RASAL2: variants seen among roughly 807,000 people sequenced by gnomAD.
RASAL2 encodes the protein ras GTPase-activating protein nGAP.
Under a neutral mutation model 128.9 loss-of-function variants are expected in RASAL2, and 58 were observed. The ratio of observed to expected loss-of-function variants is 0.45; its 90% CI spans 0.36 to 0.56. The LOEUF (loss-of-function observed/expected upper bound fraction) is 0.56, where lower values mean the gene tolerates loss of function less well. Ranked by LOEUF, RASAL2 falls within the 20% of genes least tolerant of loss-of-function variation. RASAL2 has a pLI of 0.00. For synonymous variants in RASAL2, 561 were observed against 580.8 expected (o/e 0.97, Z 0.49); for missense variants, 1,360 against 1,601.6 (o/e 0.85, Z 2.57).
intron 14 of RASAL2, among the ~76,000 whole-genome samples, chr1:178,462,100 C>A (rs551218582): frequency 6.6e-6 from 1 of 152,204 alleles, no homozygotes; most frequent in East Asian, 1.9e-4. Context: ...GATATAAATT[C>A]TCTTTCTAAG....
intron 1 of RASAL2, among the ~76,000 whole-genome samples, chr1:178,250,528 G>A (rs987495557): frequency 2.6e-5 from 4 of 152,200 alleles, no homozygotes; most frequent in Admixed American, 6.5e-5. Flanking sequence ...AGTGGGACTC[G>A]CTGATCGAGA....
At chr1:178,363,946 A>C (rs1671259659) in intron 3 of RASAL2, among the ~76,000 whole-genome samples, 1 of 152,142 alleles carries the variant, frequency 6.6e-6, no homozygotes, top group South Asian at 2.1e-4. Context: ...AATACAAAAA[A>C]TTAGCGGGGC....
chr1:178,429,041 G>A (rs1675715291), intron 5 of RASAL2, among the ~76,000 whole-genome samples: 1 of 152,052 alleles, frequency 6.6e-6, no homozygotes, highest in Non-Finnish European at 1.5e-5. Context: ...CTCTCATGGG[G>A]TGATTTGGGG....
intron 3 of RASAL2, among the ~76,000 whole-genome samples, chr1:178,334,189 A>G (rs1557909447): frequency 6.6e-6 from 1 of 152,170 alleles, no homozygotes; most frequent in African/African-American, 2.4e-5. Context: ...CTGCATGTGC[A>G]GAAATTTAGA....
At chr1:178,419,372 C>T (rs1674987924) in intron 4 of RASAL2, among the ~76,000 whole-genome samples, 2 of 152,118 alleles carry the variant, frequency 1.3e-5, no homozygotes, top group African/African-American at 4.8e-5. Context: ...CTCCTGAGTT[C>T]AAGCAATCCT....
At chr1:178,356,558 A>G (rs1670822293) in intron 3 of RASAL2, among the ~76,000 whole-genome samples, 1 of 152,198 alleles carries the variant, frequency 6.6e-6, no homozygotes. Flanking sequence ...TTAAAATATA[A>G]TATTTAGTAA....
At chr1:178,282,717 T>C (rs1473457210) in intron 1 of RASAL2, among the ~76,000 whole-genome samples, 1 of 152,222 alleles carries the variant, frequency 6.6e-6, no homozygotes, top group Non-Finnish European at 1.5e-5. Flanking sequence ...GTCTCTATAG[T>C]ATATTCCTGA....
Position 178,266,333 on chromosome 1 carries a change from T to A in RASAL2, c.203-17231T>A, listed in dbSNP as rs113643369. 3.7e-3 allele frequency among the ~76,000 whole-genome samples: 557 copies of A among 152,350 alleles called. 2 individuals are homozygous for A. The highest frequency in any genetic ancestry group is 0.012 in the African/African-American group (519 of 41,580). ...GCATTTCCCTGATGAGTAATGAAGT[T>A]GAGCATCTTTTTACATGTTAAATGG... On this transcript the variant is annotated intron_variant, in intron 1 of 17. Coordinates refer to ENST00000367649, the MANE Select transcript of RASAL2 (RefSeq NM_170692.4).
chr1:178,443,243 G>A lies in RASAL2; in HGVS notation c.1482+14G>A. 1.9e-6 allele frequency: 3 copies of A among 1,574,332 alleles called. No individual in the cohort carries two copies. Among genetic ancestry groups the A allele is most frequent in the Non-Finnish European group, 2.6e-6 (3 of 1,149,474 alleles). ...GGCAGAGCCAAGGTAAGTGGAAAAG[G>A]GGGATTGCAGTACCTGAAGTCTCTT... is the stretch of plus-strand genomic sequence containing the variant. On this transcript the variant is annotated intron_variant, in intron 8 of 17. Transcript: ENST00000367649.
At chr1:178,441,291 G>A (rs1019509455) in intron 6 of RASAL2, among the ~76,000 whole-genome samples, 2 of 152,118 alleles carry the variant, frequency 1.3e-5, no homozygotes, top group African/African-American at 4.8e-5. Context: ...GTCAGAGGAT[G>A]AGACTAACAA....
intron 1 of RASAL2, among the ~76,000 whole-genome samples, chr1:178,147,559 A>G (rs1242553083): frequency 6.6e-6 from 1 of 152,118 alleles, no homozygotes; most frequent in African/African-American, 2.4e-5. Flanking sequence ...GTGAATATGA[A>G]CAAACCATTA....
chr1:178,212,684 G>T (rs1043759789), intron 1 of RASAL2, among the ~76,000 whole-genome samples: 1 of 152,102 alleles, frequency 6.6e-6, no homozygotes, highest in African/African-American at 2.4e-5. Context: ...TAGAGATGGG[G>T]TCTCACCGTA....
intron 1 of RASAL2, among the ~76,000 whole-genome samples, chr1:178,260,268 C>T (rs1429969591): frequency 1.4e-5 from 2 of 146,582 alleles, no homozygotes; most frequent in Non-Finnish European, 3.0e-5. Context: ...CAGAGAATTG[C>T]TTGAACCGGA....
At chr1:178,141,894 G>A (rs962177814) in intron 1 of RASAL2, among the ~76,000 whole-genome samples, 1 of 152,012 alleles carries the variant, frequency 6.6e-6, no homozygotes, top group Non-Finnish European at 1.5e-5. Flanking sequence ...GTGAAAGTGG[G>A]GTTTCCTTTA....
intron 2 of RASAL2, among the ~76,000 whole-genome samples, chr1:178,294,783 A>G (rs549564164): frequency 9.2e-5 from 14 of 152,328 alleles, no homozygotes; most frequent in Admixed American, 8.5e-4. Context: ...CCAGAGTACA[A>G]TAGACTCACT....
chr1:178,329,296 A>G (rs1320509283), intron 3 of RASAL2, among the ~76,000 whole-genome samples: 5 of 152,228 alleles, frequency 3.3e-5, no homozygotes, highest in Non-Finnish European at 7.3e-5. Flanking sequence ...GACCTCACTG[A>G]TTAAGGAACA....
intron 3 of RASAL2, among the ~76,000 whole-genome samples, chr1:178,380,136 G>T (rs1197985577): frequency 2.0e-5 from 3 of 152,116 alleles, no homozygotes; most frequent in African/African-American, 4.8e-5. Flanking sequence ...TGATACACCC[G>T]CCTCGGGCCC....
intron 12 of RASAL2, 110 bp downstream of exon 12, chr1:178,454,758 C>A: frequency 1.1e-6 from 1 of 897,964 alleles, no homozygotes; most frequent in Non-Finnish European, 1.7e-6. Context: ...ACTGTTTACC[C>A]TAGAAATCTG....
intron 17 of RASAL2, among the ~76,000 whole-genome samples, chr1:178,467,815 G>A (rs1471371757): frequency 6.6e-6 from 1 of 152,210 alleles, no homozygotes; most frequent in South Asian, 2.1e-4. Context: ...TGTCAGTCAC[G>A]TCCACTGCCA....
Sources: allele counts gnomAD v4.1 joint callset (sites outside exome capture counted in the v4.1 genomes callset), GRCh38; gene constraint gnomAD v4.1.1; transcripts MANE v1.5; gene names NCBI Gene and HGNC (gene_info 2026-07-23, HGNC 2026-07-21).